Variants in DACH2 observed in about 807,000 individuals in gnomAD.
The protein encoded by DACH2 is dachshund homolog 2.
Under a neutral mutation model 35.8 loss-of-function variants are expected in DACH2, and 17 were observed. The observed-to-expected ratio is 0.48, with a 90% CI of 0.33 to 0.71. The LOEUF (loss-of-function observed/expected upper bound fraction) is 0.71, where lower values mean the gene tolerates loss of function less well. Ranked by LOEUF, DACH2 falls within the 30% of genes least tolerant of loss-of-function variation. DACH2 has a pLI of 0.02. For missense variants in DACH2, 469 were observed against 472.7 expected, an observed-to-expected ratio of 0.99 and a Z score of 0.07; for synonymous variants, 195 against 177.3, an observed-to-expected ratio of 1.10 and a Z score of -0.79.
chrX:86,673,931 T>C (rs778749226), intron 4 of DACH2, among the ~76,000 whole-genome samples: 2 of 112,067 alleles, frequency 1.8e-5, no homozygotes, highest in Admixed American at 9.5e-5. Context: ...TCACCATGAT[T>C]CTAAGTTTCC....
chrX:86,469,394 A>G (rs945512633), intron 2 of DACH2, among the ~76,000 whole-genome samples: 1 of 111,360 alleles, frequency 9.0e-6, no homozygotes, highest in African/African-American at 3.3e-5. Context: ...CATATGTTAA[A>G]TAGATTGATT....
intron 7 of DACH2, among the ~76,000 whole-genome samples, chrX:86,750,606 A>G (rs1015301085): frequency 9.0e-6 from 1 of 110,815 alleles, no homozygotes; most frequent in Non-Finnish European, 1.9e-5. Flanking sequence ...CTCTCTCTCT[A>G]CAGCTCCTGG....
intron 1 of DACH2, among the ~76,000 whole-genome samples, chrX:86,207,723 G>T (rs903559852): frequency 9.0e-6 from 1 of 110,577 alleles, no homozygotes; most frequent in Non-Finnish European, 1.9e-5. Flanking sequence ...AGTATAATTT[G>T]GTGTTGCTAA....
At chrX:86,306,604 C>T (rs2034694045) in intron 1 of DACH2, among the ~76,000 whole-genome samples, 1 of 111,630 alleles carries the variant, frequency 9.0e-6, no homozygotes, top group Non-Finnish European at 1.9e-5. Context: ...CATGAAAAGG[C>T]AAGACGACCC....
chrX:86,778,075 T>A (rs888146492), intron 7 of DACH2, among the ~76,000 whole-genome samples: 1 of 111,987 alleles, frequency 8.9e-6, no homozygotes, highest in African/African-American at 3.2e-5. Context: ...ATATTTGCTA[T>A]TGTGAATAGT....
intron 3 of DACH2, among the ~76,000 whole-genome samples, chrX:86,546,910 A>C (rs1037092366): frequency 9.0e-6 from 1 of 110,614 alleles, no homozygotes; most frequent in African/African-American, 3.3e-5. Context: ...GCAGGTTATA[A>C]GCCTTCTGAA....
At chrX:86,598,047 A>C in intron 3 of DACH2, among the ~76,000 whole-genome samples, 1 of 110,966 alleles carries the variant, frequency 9.0e-6, no homozygotes, top group South Asian at 3.8e-4. Context: ...CCTTTTAAAA[A>C]CCATCATATC....
intron 5 of DACH2, among the ~76,000 whole-genome samples, chrX:86,711,053 A>T (rs1253033114): frequency 2.7e-5 from 3 of 112,132 alleles, no homozygotes; most frequent in African/African-American, 9.7e-5. Flanking sequence ...AAATTATAGG[A>T]GTTGCTGAAA....
chrX:86,561,919 A>AG lies in DACH2; in HGVS notation c.640+47528_640+47529insG, dbSNP rs1454982384. 1.1e-3 allele frequency among the ~76,000 whole-genome samples: 103 copies of AG among 95,891 alleles called. 1 individual carries two copies. Among genetic ancestry groups the AG allele is most frequent in the African/African-American group, 3.6e-3 (88 of 24,167 alleles). 83.3% of individuals were successfully genotyped at this position (95,891 alleles called of 115,157 possible). A position where few individuals can be genotyped will look rare whatever the true frequency, so the allele number is the denominator to read the frequency against. The stretch of plus-strand genomic sequence containing the variant: ...GTAGAATTAAAAAAAAAAAAAAAAA[A>AG]AGAGAATTCAGCAAGGATTCAGGAT... On this transcript the variant is annotated intron_variant, in intron 3 of 11. Coordinates refer to ENST00000373125, the MANE Select transcript of DACH2 (RefSeq NM_053281.3).
chrX:86,152,969 C>T, intron 1 of DACH2, among the ~76,000 whole-genome samples: 1 of 111,236 alleles, frequency 9.0e-6, no homozygotes, highest in Non-Finnish European at 1.9e-5. Flanking sequence ...TTTAATGAAG[C>T]AGTAAAATAG....
At chrX:86,784,020 AGT>A (rs2042113501) in intron 7 of DACH2, among the ~76,000 whole-genome samples, 1 of 111,181 alleles carries the variant, frequency 9.0e-6, no homozygotes, top group African/African-American at 3.3e-5. Flanking sequence ...TCGAAGGGTA[AGT>A]GCTTGAGGGG....
intron 4 of DACH2, among the ~76,000 whole-genome samples, chrX:86,681,756 T>C (rs2040885164): frequency 9.1e-6 from 1 of 109,383 alleles, no homozygotes; most frequent in African/African-American, 3.3e-5. Flanking sequence ...CTTTTAGTAT[T>C]TTTTTCTGAT....
At chrX:86,354,973 T>A in intron 1 of DACH2, among the ~76,000 whole-genome samples, 1 of 112,196 alleles carries the variant, frequency 8.9e-6, no homozygotes, top group African/African-American at 3.2e-5. Context: ...CATGTGTAAA[T>A]TGTGTGTTTT....
At chrX:86,633,428 A>G (rs2040226077) in intron 3 of DACH2, among the ~76,000 whole-genome samples, 1 of 111,665 alleles carries the variant, frequency 9.0e-6, no homozygotes, top group African/African-American at 3.3e-5. Flanking sequence ...GACCAATAAT[A>G]AGCTGTAAGA....
chrX:86,698,087 T>A (rs79250437), intron 5 of DACH2, among the ~76,000 whole-genome samples: 29,953 of 110,203 alleles, frequency 0.27, 3,375 homozygotes, highest in Middle Eastern at 0.43. Context: ...GAGAAAAAAA[T>A]TTATTTTCAT....
intron 7 of DACH2, among the ~76,000 whole-genome samples, chrX:86,794,281 G>T (rs1232480933): frequency 2.7e-5 from 3 of 110,541 alleles, no homozygotes; most frequent in Non-Finnish European, 5.7e-5. Context: ...GTATGCCACA[G>T]TACTAATGGG....
chrX:86,588,651 T>C (rs186237718), intron 3 of DACH2, among the ~76,000 whole-genome samples: 2 of 111,587 alleles, frequency 1.8e-5, no homozygotes, highest in East Asian at 5.7e-4. Context: ...GTTCTTGATT[T>C]GGCTCTCAGC....
intron 1 of DACH2, among the ~76,000 whole-genome samples, chrX:86,375,150 T>C (rs962737889): frequency 4.6e-5 from 5 of 107,752 alleles, no homozygotes; most frequent in Non-Finnish European, 7.7e-5. Flanking sequence ...CTCCTAATTT[T>C]CTGAGTAAGT....
chrX:86,450,918 T>A (rs2037365813), intron 2 of DACH2, among the ~76,000 whole-genome samples: 1 of 111,432 alleles, frequency 9.0e-6, no homozygotes, highest in Non-Finnish European at 1.9e-5. Flanking sequence ...CATGGGGTTG[T>A]TTTTTTCTTG....
Sources: allele counts gnomAD v4.1 joint callset (sites outside exome capture counted in the v4.1 genomes callset), GRCh38; gene constraint gnomAD v4.1.1; transcripts MANE v1.5; gene names NCBI Gene and HGNC (gene_info 2026-07-23, HGNC 2026-07-21).